The following NVL variants were observed in gnomAD, a reference collection of about 807,000 sequenced individuals.
NVL encodes nuclear valosin-containing protein-like.
NVL carries 84 observed loss-of-function variants against 110.2 expected under a neutral mutation model. That is an observed-to-expected ratio of 0.76 (90% confidence interval 0.64 to 0.91). NVL has a LOEUF of 0.91. NVL is among the 40% of genes least tolerant of loss of function. NVL has a pLI of 0.00. For synonymous variants in NVL, 354 were observed against 361.1 expected (o/e 0.98, Z 0.22); for missense variants, 882 against 1,035.9 (o/e 0.85, Z 2.04).
At chr1:224,240,021 G>T (rs1241886027) in intron 19 of NVL, among the ~76,000 whole-genome samples, 1 of 146,694 alleles carries the variant, frequency 6.8e-6, no homozygotes, top group African/African-American at 2.5e-5. Flanking sequence ...CCTCAGCCCC[G>T]AGTAGCTGGG....
At chr1:224,257,100 G>GCT (rs1482565046) in intron 18 of NVL, 2 of 531,168 alleles carry the variant, frequency 3.8e-6, no homozygotes, top group Non-Finnish European at 7.7e-6. Flanking sequence ...GGAAGAGAAA[G>GCT]CCTAAGAGAC....
intron 2 of NVL, among the ~76,000 whole-genome samples, chr1:224,325,407 A>G (rs1671050466): frequency 6.6e-6 from 1 of 151,488 alleles, no homozygotes; most frequent in South Asian, 2.1e-4. Flanking sequence ...CCCTGTCTCC[A>G]CAAAAAATAA....
intron 10 of NVL, chr1:224,298,291 G>T: frequency 3.5e-6 from 1 of 282,334 alleles, no homozygotes. Context: ...TGTCCCACAA[G>T]TGTTACCACC....
Position 224,281,129 on chromosome 1 carries a change from T to C in NVL, c.1956A>G (p.Leu652=). The part of the protein sequence containing the change: ...NFISVKGPEL[L]NMYVGESERA... The stretch of plus-strand genomic sequence containing the variant: ...TTCTTGCTCAATAACTTACCATGTT[T>C]AGTAATTCGGGGCCCTTGACAGATA... The change falls in exon 16 of 23, where the codon CTA becomes CTG. Residue 652 remains leucine (L), a synonymous_variant. Transcript: ENST00000281701. 1.2e-6 allele frequency: 2 copies of C among 1,613,478 alleles called. No individual in the cohort carries two copies. The highest frequency in any genetic ancestry group is 1.7e-6 in the Non-Finnish European group (2 of 1,179,474).
At position 224,308,092 on chromosome 1, in the gene NVL, C is replaced by G; in HGVS notation, c.514G>C (p.Gly172Arg). The change falls in exon 6 of 23, where the codon GGA becomes CGA. Residue 172 changes from glycine to arginine, a missense_variant. Transcript: ENST00000281701. ...CTTGGGGTTTTGTCAATAAACCATC[C>G]TCCTTCAGAATCTTTGGCAGGGGTC... ...LKTPAKDSEG[G>R]WFIDKTPSVK... The G allele has an allele frequency of 6.2e-7, 1 of 1,611,946 alleles. No individual in the cohort carries two copies.
intron 6 of NVL, among the ~76,000 whole-genome samples, chr1:224,307,348 A>T (rs1347776002): frequency 6.6e-6 from 1 of 152,188 alleles, no homozygotes; most frequent in Non-Finnish European, 1.5e-5. Flanking sequence ...ATCATAAAGG[A>T]CGTTAGTGGC....
Position 224,308,147 on chromosome 1 carries a change from T to TA in NVL, c.458dup (p.Ser154LysfsTer17). ...AGGGAATGGAGCCTGTTTTGGAACT[T>TA]ATCCGTGGTGTTGAAGAGGTGGTTT... On this transcript the variant is annotated frameshift_variant, in exon 6 of 23. Transcript: ENST00000281701. LOFTEE classifies it high-confidence loss of function. The TA allele has an allele frequency of 6.2e-7, 1 of 1,614,118 alleles. No homozygotes were observed. The highest frequency in any genetic ancestry group is 8.5e-7 in the Non-Finnish European group (1 of 1,179,992).
At chr1:224,285,429 C>T (rs899905868) in intron 15 of NVL, among the ~76,000 whole-genome samples, 3 of 151,634 alleles carry the variant, frequency 2.0e-5, no homozygotes, top group East Asian at 1.9e-4. Context: ...AATGAGACTC[C>T]GTCTCAAAAA....
intron 12 of NVL, among the ~76,000 whole-genome samples, chr1:224,292,231 C>A (rs973505237): frequency 6.6e-6 from 1 of 152,090 alleles, no homozygotes; most frequent in Non-Finnish European, 1.5e-5. Context: ...TAGTGAGACC[C>A]TTTCTCTATA....
intron 18 of NVL, among the ~76,000 whole-genome samples, chr1:224,260,429 T>C (rs868249254): frequency 8.5e-5 from 13 of 152,236 alleles, no homozygotes; most frequent in African/African-American, 3.1e-4. Context: ...CAGCTAATTT[T>C]TGTATTTTCA....
chr1:224,280,179 GTT>G (rs1367873488), intron 16 of NVL, among the ~76,000 whole-genome samples: 4 of 123,348 alleles, frequency 3.2e-5, no homozygotes, highest in Non-Finnish European at 5.4e-5. Flanking sequence ...GTTTTTTTTT[GTT>G]TTTTTTTTTT....
chr1:224,238,249 T>A (rs12133479), intron 19 of NVL, among the ~76,000 whole-genome samples: 21,406 of 152,132 alleles, frequency 0.14, 1,728 homozygotes, highest in East Asian at 0.26. Context: ...CCCAGGCTGA[T>A]CTCAAACTCC....
chr1:224,286,270 A>G (rs1272250331), intron 14 of NVL, 140 bp from the exon 15 acceptor site: 3 of 616,858 alleles, frequency 4.9e-6, no homozygotes, highest in African/African-American at 3.9e-5. Context: ...CAGTGGTGCT[A>G]TCTTGGCTCA....
intron 19 of NVL, among the ~76,000 whole-genome samples, chr1:224,238,371 G>C (rs1231733161): frequency 6.6e-6 from 1 of 152,168 alleles, no homozygotes; most frequent in African/African-American, 2.4e-5. Context: ...GCCTGGCAAA[G>C]TGCTCCAGGC....
intron 15 of NVL, among the ~76,000 whole-genome samples, chr1:224,283,709 G>C (rs1666596130): frequency 1.3e-5 from 2 of 152,122 alleles, no homozygotes; most frequent in South Asian, 4.1e-4. Context: ...ACACATGAAA[G>C]GGAAGTGCAT....
At position 224,284,263 on chromosome 1, in the gene NVL, T is replaced by C. The variant is rs186733764; in HGVS notation, c.1899+1763A>G. ...TTTATAAATAACAAATCTTAATATATGAAGTGATATAAATAAGAAAGAAAA... is the reference window on the plus strand; with the variant it reads ...TTTATAAATAACAAATCTTAATATACGAAGTGATATAAATAAGAAAGAAAA... On this transcript the variant is annotated intron_variant, in intron 15 of 22. Coordinates refer to ENST00000281701, the MANE Select transcript of NVL (RefSeq NM_002533.4). 4.5e-3 allele frequency among the ~76,000 whole-genome samples: 690 copies of C among 151,946 alleles called. 12 individuals carry two copies. Among genetic ancestry groups the C allele is most frequent in the African/African-American group, 0.016 (655 of 41,424 alleles).
intron 18 of NVL, among the ~76,000 whole-genome samples, chr1:224,254,078 T>C (rs1471759748): frequency 6.6e-6 from 1 of 152,148 alleles, no homozygotes; most frequent in Non-Finnish European, 1.5e-5. Context: ...ATGGTATATA[T>C]TTAGGTTGTA....
intron 18 of NVL, among the ~76,000 whole-genome samples, chr1:224,261,094 T>G (rs960963069): frequency 8.5e-5 from 13 of 152,144 alleles, no homozygotes; most frequent in African/African-American, 3.1e-4. Context: ...CAGGCTGGTC[T>G]CGAACTCCTG....
chr1:224,260,408 G>A (rs1035090945), intron 18 of NVL, among the ~76,000 whole-genome samples: 25 of 151,990 alleles, frequency 1.6e-4, no homozygotes, highest in African/African-American at 5.8e-4. Context: ...ACAGGCACGC[G>A]CCACCATGGC....
Sources: gnomAD v4.1 joint callset for allele counts (sites outside exome capture counted in the v4.1 genomes callset) on GRCh38, gnomAD v4.1.1 for gene constraint, MANE v1.5 for transcripts, NCBI Gene and HGNC (gene_info 2026-07-23, HGNC 2026-07-21) for gene names.